Variants in NAPB observed in about 807,000 individuals in gnomAD.
The protein encoded by NAPB is NSF attachment protein beta.
NAPB carries 26 observed loss-of-function variants against 44.7 expected under a neutral mutation model. That is an observed-to-expected ratio of 0.58 (90% CI 0.43 to 0.81). The LOEUF is 0.81. Ranked by LOEUF, NAPB falls within the 30% of genes least tolerant of loss-of-function variation. NAPB has a pLI of 0.00. For synonymous variants in NAPB, 120 were observed against 116.8 expected, an observed-to-expected ratio of 1.03 and a Z score of -0.18; for missense variants, 315 against 356.4, an observed-to-expected ratio of 0.88 and a Z score of 0.94.
chr20:23,384,975 C>T (rs528371166), intron 7 of NAPB, among the ~76,000 whole-genome samples: 5 of 152,046 alleles, frequency 3.3e-5, no homozygotes, highest in African/African-American at 1.2e-4. Flanking sequence ...AAAAATTAGC[C>T]GGGCATGCTG....
At chr20:23,383,092 T>G (rs1291611886) in intron 7 of NAPB, among the ~76,000 whole-genome samples, 1 of 146,024 alleles carries the variant, frequency 6.8e-6, no homozygotes, top group East Asian at 2.0e-4. Context: ...GAGGCAAAGG[T>G]TGCAGTGAGA....
chr20:23,408,929 G>A (rs570271316), intron 1 of NAPB, among the ~76,000 whole-genome samples: 2 of 152,260 alleles, frequency 1.3e-5, no homozygotes, highest in South Asian at 4.2e-4. Context: ...AAAGGTAGGA[G>A]GGAGATACTC....
In NAPB at chr20:23,377,486, C is replaced by G. The variant is rs754661470; in HGVS notation, c.787G>C (p.Val263Leu). 5 of 1,586,580 alleles carry G rather than the reference C, an allele frequency of 3.2e-6. No individual in the cohort carries two copies. The East Asian group carries it at 6.7e-5, about 21-fold the overall frequency. The change falls in exon 11 of 11, where the codon GTG (valine) becomes CTG (leucine). Residue 263 changes from valine to leucine, a missense_variant and splice_region_variant. Val to Leu is a conservative substitution (Grantham distance 32, BLOSUM62 1). This residue lies in a region of NAPB where 120 missense variants were observed against 130.5 expected (regional missense o/e 0.92). Transcript: ENST00000377026. Reference sequence around the variant, plus strand: ...CGAGATATTGAGTCAAATTCCTTCACCTAGTATAAGGAAAGAGGAACAGGA... The same window carrying G: ...CGAGATATTGAGTCAAATTCCTTCAGCTAGTATAAGGAAAGAGGAACAGGA... ...EQNSEAYTEA[V>L]KEFDSISRLD...
intron 7 of NAPB, among the ~76,000 whole-genome samples, chr20:23,384,191 C>G (rs1162128378): frequency 6.6e-6 from 1 of 152,132 alleles, no homozygotes; most frequent in East Asian, 1.9e-4. Context: ...TGACTATGCA[C>G]AGATTTTGAT....
intron 1 of NAPB, among the ~76,000 whole-genome samples, chr20:23,403,982 C>T (rs1985052964): frequency 6.6e-6 from 1 of 152,106 alleles, no homozygotes; most frequent in South Asian, 2.1e-4. Context: ...CTGAGAAATG[C>T]ATTTTACAAC....
chr20:23,410,849 C>T (rs1441091569), intron 1 of NAPB, among the ~76,000 whole-genome samples: 1 of 152,018 alleles, frequency 6.6e-6, no homozygotes, highest in African/African-American at 2.4e-5. Context: ...TATGAAAGTA[C>T]ATCATAAGCT....
At chr20:23,420,523 A>C (rs1986315455) in intron 1 of NAPB, among the ~76,000 whole-genome samples, 1 of 151,876 alleles carries the variant, frequency 6.6e-6, no homozygotes, top group South Asian at 2.1e-4. Context: ...GGACGCCCCC[A>C]GGTGCGCGTT....
intron 1 of NAPB, among the ~76,000 whole-genome samples, chr20:23,409,194 C>T (rs986322621): frequency 2.6e-5 from 4 of 152,182 alleles, no homozygotes; most frequent in Non-Finnish European, 5.9e-5. Flanking sequence ...GTAAGGGGAG[C>T]GCTGTCTCAG....
At chr20:23,416,964 C>A (rs1413610636) in intron 1 of NAPB, among the ~76,000 whole-genome samples, 11 of 152,196 alleles carry the variant, frequency 7.2e-5, no homozygotes, top group South Asian at 2.1e-4. Context: ...CCCAATGGGG[C>A]CTTTCATTAA....
chr20:23,400,685 T>G (rs1984768590), intron 2 of NAPB, among the ~76,000 whole-genome samples: 1 of 152,150 alleles, frequency 6.6e-6, no homozygotes, highest in Non-Finnish European at 1.5e-5. Context: ...GCTTAGTCAT[T>G]ATGAAAGAAC....
chr20:23,408,808 T>A (rs930470814), intron 1 of NAPB, among the ~76,000 whole-genome samples: 1 of 152,246 alleles, frequency 6.6e-6, no homozygotes, highest in Non-Finnish European at 1.5e-5. Context: ...GTGATGAGTA[T>A]GCTAACTATC....
At position 23,389,987 on chromosome 20, in the gene NAPB, G is replaced by A; in HGVS notation, c.520C>T (p.Gln174Ter). ...ATGGCTTTCTGGTACTGCTCAAGCTGGGCAGCATATGCTGCCACCTTCAGC... is the reference window on the plus strand; with the variant it reads ...ATGGCTTTCTGGTACTGCTCAAGCTAGGCAGCATATGCTGCCACCTTCAGC... ...CLLKVAAYAA[Q>*]LEQYQKAIEI... Residue 174 changes from glutamine (Q) to a stop codon, truncating the protein, a stop_gained, in exon 7 of 11, where the codon CAG becomes TAG. Transcript: ENST00000377026. LOFTEE classifies it high-confidence loss of function. 1 of 1,614,048 alleles carries A rather than the reference G, an allele frequency of 6.2e-7. No homozygotes were observed. The highest frequency in any genetic ancestry group is 1.1e-5 in the South Asian group (1 of 91,060).
intron 2 of NAPB, among the ~76,000 whole-genome samples, chr20:23,400,081 G>A (rs1984717634): frequency 6.6e-6 from 1 of 151,900 alleles, no homozygotes; most frequent in Non-Finnish European, 1.5e-5. Context: ...GGCTCTTCTG[G>A]GCTACCTCCA....
At chr20:23,391,223 A>T (rs968834141) in intron 5 of NAPB, among the ~76,000 whole-genome samples, 2 of 152,162 alleles carry the variant, frequency 1.3e-5, no homozygotes, top group African/African-American at 2.4e-5. Flanking sequence ...AGACAGGAGA[A>T]CTGCTTGAAC....
intron 8 of NAPB, 162 bp downstream of exon 8, chr20:23,381,040 GACAGCTGTTAA>G: frequency 7.1e-6 from 4 of 566,420 alleles, no homozygotes; most frequent in Non-Finnish European, 9.5e-6. Context: ...GAACAGCTTT[GACAGCTGTTAA>G]AAGATTACAA....
intron 8 of NAPB, chr20:23,380,792 T>C (rs1982938267): frequency 6.5e-6 from 1 of 153,540 alleles, no homozygotes; most frequent in South Asian, 2.0e-4. Context: ...CCCAAAATGC[T>C]GGGTTTACAG....
Position 23,377,414 on chromosome 20 carries a change from T to C in NAPB, c.859A>G (p.Ile287Val). ...CCATCTCCTTCTCCATCCCCTTGGA[T>C]GGACTTTTTGATGCGAAGCAACATG... ...TTMLLRIKKS[I>V]QGDGEGDGDL... The change falls in exon 11 of 11, where the codon ATC becomes GTC. Residue 287 changes from isoleucine (I) to valine (V), a missense_variant. This residue lies in a region of NAPB where 120 missense variants were observed against 130.5 expected (regional missense o/e 0.92). Coordinates refer to ENST00000377026, the MANE Select transcript of NAPB (RefSeq NM_022080.3). 3 of 1,603,182 alleles carry C rather than the reference T, an allele frequency of 1.9e-6. No individual in the cohort carries two copies. The highest frequency in any genetic ancestry group is 1.1e-5 in the South Asian group (1 of 88,982).
chr20:23,381,972 A>T (rs1260044389), intron 7 of NAPB, among the ~76,000 whole-genome samples: 1 of 152,174 alleles, frequency 6.6e-6, no homozygotes, highest in Non-Finnish European at 1.5e-5. Context: ...AGAGAAGGCC[A>T]AATAGGGAGC....
Position 23,377,410 on chromosome 20 carries a change from T to C in NAPB, c.863A>G (p.Gln288Arg), listed in dbSNP as rs1212920494. Residue 288 changes from glutamine to arginine, a missense_variant, in exon 11 of 11, where the codon CAA (glutamine) becomes CGA (arginine). Physicochemically the swap from Gln to Arg is conservative, Grantham distance 43. Coordinates refer to ENST00000377026, the MANE Select transcript of NAPB (RefSeq NM_022080.3). ...GTCTCCATCTCCTTCTCCATCCCCT[T>C]GGATGGACTTTTTGATGCGAAGCAA... ...TMLLRIKKSI[Q>R]GDGEGDGDLK 6.2e-7 allele frequency: 1 copy of C among 1,601,908 alleles called. No individual in the cohort carries two copies.
Sources: allele counts gnomAD v4.1 joint callset (sites outside exome capture counted in the v4.1 genomes callset), GRCh38; gene constraint gnomAD v4.1.1; regional missense constraint gnomAD v4.1.1; transcripts MANE v1.5; gene names NCBI Gene and HGNC (gene_info 2026-07-23, HGNC 2026-07-21).